The following TARS3 variants were observed in gnomAD, a reference collection of about 807,000 sequenced individuals.
TARS3 encodes threonine--tRNA ligase 2, cytoplasmic.
Under a neutral mutation model 103.5 loss-of-function variants are expected in TARS3, and 94 were observed. The observed-to-expected ratio is 0.91, with a 90% CI of 0.77 to 1.08. TARS3 has a LOEUF of 1.08. Among genes scored for constraint, TARS3 ranks in the 50% least tolerant of loss-of-function variants. TARS3 has a pLI of 0.00. For synonymous variants in TARS3, 416 were observed against 355.4 expected, an observed-to-expected ratio of 1.17 and a Z score of -1.92; for missense variants, 952 against 995.2, an observed-to-expected ratio of 0.96 and a Z score of 0.58.
chr15:101,683,191 G>T (rs1212928596), intron 12 of TARS3, among the ~76,000 whole-genome samples: 2 of 151,756 alleles, frequency 1.3e-5, no homozygotes, highest in Non-Finnish European at 2.9e-5. Context: ...TCTATCTTAA[G>T]TAAAAGCTAA....
intron 7 of TARS3, 120 bp from the exon 8 acceptor site, chr15:101,704,057 T>C (rs1899418983): frequency 1.6e-6 from 1 of 637,330 alleles, no homozygotes; most frequent in Non-Finnish European, 2.6e-6. Context: ...AGCAATGCCA[T>C]TTTTAATTTA....
intron 11 of TARS3, 64 bp from the exon 12 acceptor site, chr15:101,684,301 T>C: frequency 7.1e-7 from 1 of 1,400,094 alleles, no homozygotes; most frequent in Non-Finnish European, 9.5e-7. Context: ...ATTATCTAAA[T>C]ATAAAGAAAT....
At chr15:101,720,236 T>C (rs912460254) in intron 3 of TARS3, among the ~76,000 whole-genome samples, 2 of 152,224 alleles carry the variant, frequency 1.3e-5, no homozygotes, top group Admixed American at 1.3e-4. Context: ...TTTTAAATGA[T>C]GAACATTTAT....
intron 15 of TARS3, among the ~76,000 whole-genome samples, chr15:101,666,150 G>T (rs1032350434): frequency 6.6e-6 from 1 of 152,072 alleles, no homozygotes; most frequent in Non-Finnish European, 1.5e-5. Flanking sequence ...TGCAACAAAG[G>T]TTAACACAAA....
At position 101,721,170 on chromosome 15, in the gene TARS3, C is replaced by A. The variant is rs552332237; in HGVS notation, c.522G>T (p.Gly174=). Residue 174 remains glycine (G), a synonymous_variant, in exon 3 of 19, where the codon GGG becomes GGT. Coordinates refer to ENST00000335968, the MANE Select transcript of TARS3 (RefSeq NM_152334.3). ...VRVADGQTVQ[G]EVWKTTPYQV... ...GGTAAGGCGTTGTTTTCCAGACTTC[C>A]CCTTGCACTGTTTGCCCATCAGCCA... is the stretch of plus-strand genomic sequence containing the variant. 6.2e-7 allele frequency: 1 copy of A among 1,612,468 alleles called. No individual in the cohort carries two copies. The highest frequency in any genetic ancestry group is 2.2e-5 in the East Asian group (1 of 44,848).
At position 101,724,365 on chromosome 15, in the gene TARS3, G is replaced by A. The variant is rs770652842; in HGVS notation, c.23C>T (p.Ala8Val). The stretch of plus-strand genomic sequence containing the variant: ...CTCCAGGCGCGACGCCACGGCCTCC[G>A]CCGCCAGGGCCTCGGCCGCCATCGC... MAAEALA[A>V]EAVASRLERQ... The change falls in exon 1 of 19, where the codon GCG (alanine) becomes GTG (valine). Residue 8 changes from alanine (A) to valine (V), a missense_variant. By Grantham distance (64) the Ala-to-Val change is moderately conservative. Coordinates refer to ENST00000335968, the MANE Select transcript of TARS3 (RefSeq NM_152334.3). The A allele has an allele frequency of 7.8e-6, 12 of 1,531,592 alleles. No homozygotes were observed. Among genetic ancestry groups the A allele is most frequent in the Non-Finnish European group, 8.7e-6 (10 of 1,145,780 alleles). 94.9% of individuals were successfully genotyped at this position (1,531,592 alleles called of 1,614,324 possible).
At chr15:101,655,642 C>T (rs563282414) in intron 18 of TARS3, among the ~76,000 whole-genome samples, 30 of 129,086 alleles carry the variant, frequency 2.3e-4, no homozygotes, top group African/African-American at 8.7e-4. Flanking sequence ...GGCACTAGGG[C>T]GCAAATGAGA....
At position 101,724,194 on chromosome 15, in the gene TARS3, C is replaced by A. The variant is rs1900650182; in HGVS notation, c.194G>T (p.Arg65Leu). The A allele has an allele frequency of 1.3e-6, 2 of 1,520,720 alleles. No individual in the cohort carries two copies. The highest frequency in any genetic ancestry group is 8.8e-7 in the Non-Finnish European group (1 of 1,140,176). The allele number at this position is 1,520,720 out of a possible 1,614,324, so 94.2% of individuals were successfully genotyped here. A position where few individuals can be genotyped will look rare whatever the true frequency, so the allele number is the denominator to read the frequency against. ...CAGCCGCAGGCTGCACAGGCGGTGG[C>A]GCAGGTCGCAGTTCTCGGCCCGGAG... Reference protein sequence around the residue: ...AQLRAENCDLRHRLCSLRLCL... With the variant: ...AQLRAENCDLLHRLCSLRLCL... The change falls in exon 1 of 19, where the codon CGC becomes CTC. Residue 65 changes from arginine (R) to leucine (L), a missense_variant. Coordinates refer to ENST00000335968, the MANE Select transcript of TARS3 (RefSeq NM_152334.3).
At chr15:101,714,740 A>C (rs868852775) in intron 4 of TARS3, 100 bp downstream of exon 4, 11 of 1,159,304 alleles carry the variant, frequency 9.5e-6, no homozygotes, top group South Asian at 7.9e-5. Context: ...AGAAACCCCC[A>C]AAAAACTCAA....
At chr15:101,679,402 A>G (rs2141400702) in intron 12 of TARS3, among the ~76,000 whole-genome samples, 1 of 152,288 alleles carries the variant, frequency 6.6e-6, no homozygotes, top group African/African-American at 2.4e-5. Context: ...TCTGCTCATG[A>G]ATCTATTCAC....
At chr15:101,666,212 GGT>G (rs1215007785) in intron 15 of TARS3, among the ~76,000 whole-genome samples, 1 of 152,098 alleles carries the variant, frequency 6.6e-6, no homozygotes, top group Non-Finnish European at 1.5e-5. Context: ...GGTCAGGATC[GGT>G]GGCTCACGCC....
chr15:101,724,333 C>T lies in TARS3; in HGVS notation c.55G>A (p.Glu19Lys). ...GACCACAGCCAGCGGATGTCCTCCT[C>T]CTGCCGCTCCAGGCGCGACGCCACG... Reference protein sequence around the residue: ...EAVASRLERQEEDIRWLWSEV... With the variant: ...EAVASRLERQKEDIRWLWSEV... The change falls in exon 1 of 19, where the codon GAG becomes AAG. Residue 19 changes from glutamate to lysine, a missense_variant. Around this residue, in one of 2 missense-constraint regions of TARS3, gnomAD observed 412 missense variants for 364.2 expected, o/e 1.13. Transcript: ENST00000335968. The T allele has an allele frequency of 1.3e-6, 2 of 1,561,648 alleles. No homozygotes were observed. Among genetic ancestry groups the T allele is most frequent in the South Asian group, 2.3e-5 (2 of 85,740 alleles).
In TARS3 at chr15:101,724,368, G is replaced by A. The variant is rs775955229; in HGVS notation, c.20C>T (p.Ala7Val). ...CAGGCGCGACGCCACGGCCTCCGCC[G>A]CCAGGGCCTCGGCCGCCATCGCGGC... Reference protein sequence around the residue: MAAEALAAEAVASRLER... With the variant: MAAEALVAEAVASRLER... Residue 7 changes from alanine (A) to valine (V), a missense_variant, in exon 1 of 19, where the codon GCG becomes GTG. This residue lies in a region of TARS3 where 412 missense variants were observed against 364.2 expected (regional missense o/e 1.13). Transcript: ENST00000335968. 4.6e-6 allele frequency: 7 copies of A among 1,530,144 alleles called. No individual in the cohort carries two copies. Among genetic ancestry groups the A allele is most frequent in the Non-Finnish European group, 5.2e-6 (6 of 1,144,992 alleles). The allele number at this position is 1,530,144 out of a possible 1,614,324, so 94.8% of individuals were successfully genotyped here. A position where few individuals can be genotyped will look rare whatever the true frequency, so the allele number is the denominator to read the frequency against.
At chr15:101,674,426 G>T (rs1370469511) in intron 13 of TARS3, among the ~76,000 whole-genome samples, 1 of 152,200 alleles carries the variant, frequency 6.6e-6, no homozygotes, top group Non-Finnish European at 1.5e-5. Context: ...TATCCATTGG[G>T]TAAGTTGTGA....
At chr15:101,721,459 C>T (rs185329612) in intron 2 of TARS3, 137 bp from the exon 3 acceptor site, 10 of 616,448 alleles carry the variant, frequency 1.6e-5, no homozygotes, top group East Asian at 2.8e-5. Context: ...GTTTGAATTA[C>T]GATTTTGTTG....
At position 101,657,034 on chromosome 15, in the gene TARS3, T is replaced by A. The variant is rs377581261; in HGVS notation, c.2148A>T (p.Val716=). The A allele has an allele frequency of 3.1e-6, 5 of 1,602,524 alleles. No individual in the cohort carries two copies. The highest frequency in any genetic ancestry group is 4.3e-6 in the Non-Finnish European group (5 of 1,169,840). The part of the protein sequence containing the change: ...GPTCEKYALQ[V]SSEFFEEGFM... ...ATCCTTCTTCAAAAAATTCACTGGA[T>A]ACCTAGAAGAAAATGAAACACCTTT... Residue 716 remains valine (V), a splice_region_variant and synonymous_variant, in exon 18 of 19, where the codon GTA becomes GTT. Coordinates refer to ENST00000335968, the MANE Select transcript of TARS3 (RefSeq NM_152334.3).
Position 101,656,906 on chromosome 15 carries a change from T to C in TARS3, c.2260+16A>G, listed in dbSNP as rs1282932322. The stretch of plus-strand genomic sequence containing the variant: ...AAAAAAAAGCATTTGGAAAAATATA[T>C]ACAAACTTAAATTACCCAAAATAAA... On this transcript the variant is annotated intron_variant, in intron 18 of 18. Coordinates refer to ENST00000335968, the MANE Select transcript of TARS3 (RefSeq NM_152334.3). 6.5e-7 allele frequency: 1 copy of C among 1,537,838 alleles called. No individual in the cohort carries two copies. The highest frequency in any genetic ancestry group is 8.9e-7 in the Non-Finnish European group (1 of 1,121,896).
chr15:101,659,413 C>T (rs1229483435), intron 16 of TARS3, among the ~76,000 whole-genome samples: 2 of 152,168 alleles, frequency 1.3e-5, no homozygotes, highest in Non-Finnish European at 2.9e-5. Context: ...GTCCTTATCC[C>T]ATCCCCAGCC....
intron 18 of TARS3, chr15:101,656,082 G>A (rs1324215229): frequency 1.6e-6 from 2 of 1,280,776 alleles, no homozygotes; most frequent in East Asian, 5.6e-5. Flanking sequence ...AGCAAGACAG[G>A]AACGAGAAAT....
Sources: gnomAD v4.1 joint callset for allele counts (sites outside exome capture counted in the v4.1 genomes callset) on GRCh38, gnomAD v4.1.1 for gene constraint, gnomAD v4.1.1 regional missense constraint, MANE v1.5 for transcripts, NCBI Gene and HGNC (gene_info 2026-07-23, HGNC 2026-07-21) for gene names.